Variants in SP1 observed in about 807,000 individuals in gnomAD.
SP1 encodes the protein transcription factor Sp1.
SP1 carries 6 observed loss-of-function variants against 66.3 expected under a neutral mutation model. That is an observed-to-expected ratio of 0.09 (90% CI 0.05 to 0.18). The LOEUF is 0.18. SP1 is among the 10% of genes least tolerant of loss of function. The pLI is 1.00. For missense variants in SP1, 848 were observed against 964.5 expected (o/e 0.88, Z 1.60); for synonymous variants, 417 against 360.8 (o/e 1.16, Z -1.77).
intron 3 of SP1, among the ~76,000 whole-genome samples, chr12:53,392,559 G>T (rs866092065): frequency 6.6e-6 from 1 of 150,922 alleles, no homozygotes; most frequent in East Asian, 2.0e-4. Context: ...GGGTTTCACC[G>T]TTTTAGCCGG....
At chr12:53,389,393 G>A (rs1052728576) in intron 3 of SP1, among the ~76,000 whole-genome samples, 4 of 151,686 alleles carry the variant, frequency 2.6e-5, no homozygotes, top group African/African-American at 7.3e-5. Flanking sequence ...ATTTTTAATC[G>A]AGATTGAGTT....
rs532028059 is a variant in SP1, at chr12:53,382,512, T to C, written c.565T>C (p.Phe189Leu). Residue 189 changes from phenylalanine to leucine, a missense_variant, in exon 3 of 6, where the codon TTT becomes CTT. Transcript: ENST00000327443. Reference protein sequence around the residue: ...FQTVDGQQLQFAATGAQVQQD... With the variant: ...FQTVDGQQLQLAATGAQVQQD... ...GACCGTTGATGGGCAACAGCTGCAGTTTGCTGCCACTGGGGCCCAAGTGCA... is the reference window on the plus strand; with the variant it reads ...GACCGTTGATGGGCAACAGCTGCAGCTTGCTGCCACTGGGGCCCAAGTGCA... The C allele has an allele frequency of 1.4e-5, 22 of 1,614,124 alleles. No homozygotes were observed. The highest frequency in any genetic ancestry group is 1.6e-4 in the Middle Eastern group (1 of 6,062).
intron 1 of SP1, chr12:53,380,796 C>T (rs1199303083): frequency 1.0e-5 from 3 of 293,680 alleles, no homozygotes; most frequent in Non-Finnish European, 1.5e-5. Flanking sequence ...CCGCCCTTTC[C>T]CTCAGGGCCC....
At chr12:53,406,442 C>T (rs1301822488) in intron 3 of SP1, 143 bp from the exon 4 acceptor site, 1 of 658,918 alleles carries the variant, frequency 1.5e-6, no homozygotes, top group Non-Finnish European at 2.6e-6. Context: ...AATGGCTAAA[C>T]ATAAAAAGGC....
chr12:53,399,452 C>T (rs1297026178), intron 3 of SP1, among the ~76,000 whole-genome samples: 3 of 151,530 alleles, frequency 2.0e-5, no homozygotes, highest in Non-Finnish European at 4.4e-5. Context: ...TTCTGTCAGC[C>T]TTGAGAGTAG....
intron 1 of SP1, 46 bp from the exon 2 acceptor site, chr12:53,381,613 C>G: frequency 6.5e-7 from 1 of 1,537,740 alleles, no homozygotes; most frequent in Non-Finnish European, 8.8e-7. Context: ...TACTTCATTT[C>G]TTTTCTTCCC....
intron 3 of SP1, among the ~76,000 whole-genome samples, chr12:53,388,977 CA>C (rs59161932): frequency 2.3e-4 from 32 of 140,024 alleles, no homozygotes; most frequent in Middle Eastern, 3.8e-3. Context: ...GAGTCCCTGT[CA>C]AAAAAAAAAA....
At chr12:53,380,504 CG>C (rs1938059951) in intron 1 of SP1, 1 of 417,594 alleles carries the variant, frequency 2.4e-6, no homozygotes, top group Non-Finnish European at 3.5e-6. Flanking sequence ...CCGCCCGCCC[CG>C]GGGGAGGGGG....
intron 3 of SP1, among the ~76,000 whole-genome samples, chr12:53,386,522 C>G (rs576419241): frequency 2.7e-5 from 3 of 109,396 alleles, no homozygotes; most frequent in South Asian, 2.6e-4. Context: ...GAGTCTTGCT[C>G]TGTTGCCCAG....
chr12:53,384,764 G>C (rs1938187874), intron 3 of SP1, among the ~76,000 whole-genome samples: 1 of 151,946 alleles, frequency 6.6e-6, no homozygotes, highest in Non-Finnish European at 1.5e-5. Flanking sequence ...GCAGGTGGAT[G>C]GGTTGAGTTC....
At position 53,380,314 on chromosome 12, in the gene SP1, C is replaced by CTCCAAGCT. The variant is rs1938052283; in HGVS notation, c.7+18_7+25dup. ...ACCATGAGCGGTAAGGATGAGTCCA[C>CTCCAAGCT]TCCAAGCTTAGGGGTGGGAGGCGAG... On this transcript the variant is annotated intron_variant, in intron 1 of 5. Transcript: ENST00000327443. The CTCCAAGCT allele has an allele frequency of 6.3e-7, 1 of 1,582,884 alleles. No homozygotes were observed. The highest frequency in any genetic ancestry group is 1.4e-5 in the African/African-American group (1 of 72,298).
At chr12:53,385,044 C>T (rs1238032253) in intron 3 of SP1, among the ~76,000 whole-genome samples, 2 of 151,512 alleles carry the variant, frequency 1.3e-5, no homozygotes, top group Non-Finnish European at 2.9e-5. Flanking sequence ...CCTGTAATCC[C>T]AGCACTTTGG....
intron 3 of SP1, among the ~76,000 whole-genome samples, chr12:53,395,010 A>T (rs1938452601): frequency 6.6e-6 from 1 of 152,044 alleles, no homozygotes; most frequent in Admixed American, 6.6e-5. Context: ...GATTATGGGC[A>T]CAAGTTTCTT....
intron 3 of SP1, among the ~76,000 whole-genome samples, chr12:53,395,062 C>T (rs907565461): frequency 6.6e-5 from 10 of 152,016 alleles, no homozygotes; most frequent in Middle Eastern, 3.2e-3. Flanking sequence ...ATCTTCTGGC[C>T]AAGTGCAGTG....
chr12:53,395,539 T>C (rs1009114552), intron 3 of SP1, among the ~76,000 whole-genome samples: 4 of 152,182 alleles, frequency 2.6e-5, no homozygotes, highest in Non-Finnish European at 5.9e-5. Context: ...ACTAGCAGGC[T>C]CAAGAATGAG....
chr12:53,380,482 G>A (rs1225602091), intron 1 of SP1, among the ~76,000 whole-genome samples, 184 bp downstream of exon 1: 3 of 151,208 alleles, frequency 2.0e-5, no homozygotes, highest in Non-Finnish European at 3.0e-5. Flanking sequence ...CTCCGAGGAG[G>A]AGGGGGATGG....
rs1938936937 is a variant in SP1, at chr12:53,413,491, TC to T, written c.*2252del. On this transcript the variant is annotated 3_prime_UTR_variant, in exon 6 of 6. Coordinates refer to ENST00000327443, the MANE Select transcript of SP1 (RefSeq NM_138473.3). ...GTAACTTAATACTCTAAACAATAGTTCACTCCATTTGGTCCTTTCTCCACAG... is the reference window on the plus strand; with the variant it reads ...GTAACTTAATACTCTAAACAATAGTTACTCCATTTGGTCCTTTCTCCACAG... The T allele has an allele frequency of 6.6e-6, 1 of 152,638 alleles. No individual in the cohort carries two copies. The highest frequency in any genetic ancestry group is 1.5e-5 in the Non-Finnish European group (1 of 68,042). 9.5% of individuals were successfully genotyped at this position (152,638 alleles called of 1,614,324 possible). A position where few individuals can be genotyped will look rare whatever the true frequency, so the allele number is the denominator to read the frequency against.
chr12:53,391,971 G>A (rs1938364609), intron 3 of SP1, among the ~76,000 whole-genome samples: 1 of 152,074 alleles, frequency 6.6e-6, no homozygotes, highest in South Asian at 2.1e-4. Flanking sequence ...CGTTTCTGTA[G>A]AAAGTTTCTA....
At chr12:53,402,181 A>G (rs1388621507) in intron 3 of SP1, among the ~76,000 whole-genome samples, 1 of 149,002 alleles carries the variant, frequency 6.7e-6, no homozygotes, top group Non-Finnish European at 1.5e-5. Context: ...AAAATCTCAG[A>G]CGTTCTGATT....
Sources: gnomAD v4.1 joint callset for allele counts (sites outside exome capture counted in the v4.1 genomes callset) on GRCh38, gnomAD v4.1.1 for gene constraint, MANE v1.5 for transcripts, NCBI Gene and HGNC (gene_info 2026-07-23, HGNC 2026-07-21) for gene names.